Variants in SLC8A1 observed in about 807,000 individuals in gnomAD.
The protein encoded by SLC8A1 is solute carrier family 8 member A1, also known as sodium/calcium exchanger 1.
A neutral mutation model predicts 68.3 loss-of-function variants in SLC8A1; 18 were observed. The observed-to-expected ratio is 0.26, with a 90% CI of 0.18 to 0.39. SLC8A1 has a LOEUF of 0.39. Ranked by LOEUF, SLC8A1 falls within the 10% of genes least tolerant of loss-of-function variation. SLC8A1 has a pLI of 1.00. For missense variants in SLC8A1, 985 were observed against 1,156.7 expected (o/e 0.85, Z 2.15); for synonymous variants, 475 against 415.5 (o/e 1.14, Z -1.74).
intron 2 of SLC8A1, among the ~76,000 whole-genome samples, chr2:40,370,174 C>T (rs553984766): frequency 6.6e-6 from 1 of 152,114 alleles, no homozygotes; most frequent in African/African-American, 2.4e-5. Context: ...CATTTCTGTA[C>T]GCTTGTTGGT....
Position 40,428,483 on chromosome 2 carries a change from C to T in SLC8A1, c.1798G>A (p.Asp600Asn), listed in dbSNP as rs767752254. 6 of 1,589,204 alleles carry T rather than the reference C, an allele frequency of 3.8e-6. No homozygotes were observed. The African/African-American group carries it at 6.8e-5, about 18-fold the overall frequency. The change falls in exon 2 of 8, where the codon GAT becomes AAT. Residue 600 changes from aspartate (D) to asparagine (N), a missense_variant. Asp to Asn is a conservative substitution (Grantham distance 23). Transcript: ENST00000406785. ...TAATATAGAACTTACACAATTTCAT[C>T]ATTCTGGAATTCGAGCTCTCCACAA...
chr2:40,313,668 G>C (rs2074047196), intron 2 of SLC8A1, among the ~76,000 whole-genome samples: 1 of 151,936 alleles, frequency 6.6e-6, no homozygotes, highest in South Asian at 2.1e-4. Context: ...CTCCCAAAAT[G>C]TTGGGATTAC....
intron 1 of SLC8A1, among the ~76,000 whole-genome samples, chr2:40,511,380 C>T (rs1706716197): frequency 6.6e-6 from 1 of 152,108 alleles, no homozygotes; most frequent in Non-Finnish European, 1.5e-5. Flanking sequence ...AGTTCACAGA[C>T]TTTGCTAACA....
intron 7 of SLC8A1, among the ~76,000 whole-genome samples, chr2:40,132,160 G>A (rs1165971891): frequency 6.6e-6 from 1 of 151,956 alleles, no homozygotes; most frequent in Non-Finnish European, 1.5e-5. Context: ...TAAAACGTTT[G>A]TGAGGCATAT....
At chr2:40,264,675 G>T (rs1453195213) in intron 2 of SLC8A1, among the ~76,000 whole-genome samples, 3 of 152,138 alleles carry the variant, frequency 2.0e-5, no homozygotes, top group African/African-American at 7.2e-5. Context: ...ACAGGAAGGG[G>T]AACATCACAC....
intron 2 of SLC8A1, among the ~76,000 whole-genome samples, chr2:40,205,994 T>G (rs1428577): frequency 6.6e-6 from 1 of 151,952 alleles, no homozygotes; most frequent in Non-Finnish European, 1.5e-5. Flanking sequence ...AAAATTCTCA[T>G]TGGGGCATGA....
chr2:40,321,300 A>G (rs2075158600), intron 2 of SLC8A1, among the ~76,000 whole-genome samples: 1 of 152,034 alleles, frequency 6.6e-6, no homozygotes, highest in South Asian at 2.1e-4. Context: ...GGTTTGCACA[A>G]GTAAATTAAG....
At position 40,334,394 on chromosome 2, in the gene SLC8A1, A is replaced by C. The variant is rs138507202; in HGVS notation, c.1808+94079T>G. Among the ~76,000 whole-genome samples, 519 of 152,366 alleles carry C rather than the reference A, an allele frequency of 3.4e-3. 2 individuals are homozygous for C. Among genetic ancestry groups the C allele is most frequent in the Middle Eastern group, 0.017 (5 of 294 alleles). On this transcript the variant is annotated intron_variant, in intron 2 of 7. Coordinates refer to ENST00000406785, the Ensembl canonical transcript of SLC8A1. ...TTTTATATAGACATGACTTAAGTGTAGTTTAAGGCCATATATCTGGACAAT... is the reference window on the plus strand; with the variant it reads ...TTTTATATAGACATGACTTAAGTGTCGTTTAAGGCCATATATCTGGACAAT...
chr2:40,485,771 T>C (rs2149917619), intron 1 of SLC8A1, among the ~76,000 whole-genome samples: 1 of 152,294 alleles, frequency 6.6e-6, no homozygotes, highest in East Asian at 1.9e-4. Context: ...TCACCAATCA[T>C]GGAATTTCTA....
chr2:40,346,095 C>G (rs1053121427), intron 2 of SLC8A1, among the ~76,000 whole-genome samples: 2 of 146,456 alleles, frequency 1.4e-5, no homozygotes, highest in Non-Finnish European at 3.0e-5. Flanking sequence ...AAAGAAAACC[C>G]TCAAGTTTCC....
chr2:40,396,211 T>C (rs1330737621), intron 2 of SLC8A1, among the ~76,000 whole-genome samples: 1 of 152,146 alleles, frequency 6.6e-6, no homozygotes, highest in Non-Finnish European at 1.5e-5. Context: ...TAGTAGCAAA[T>C]ATGCATTCAA....
chr2:40,421,974 G>A (rs1695632060), intron 2 of SLC8A1, among the ~76,000 whole-genome samples: 1 of 152,134 alleles, frequency 6.6e-6, no homozygotes, highest in Non-Finnish European at 1.5e-5. Context: ...CCCTCCCAGG[G>A]CCTTCTGGAC....
chr2:40,183,440 T>G (rs1421867452), intron 2 of SLC8A1, among the ~76,000 whole-genome samples: 1 of 152,200 alleles, frequency 6.6e-6, no homozygotes, highest in Non-Finnish European at 1.5e-5. Context: ...TTTAAAAAGT[T>G]AAATCATTGA....
chr2:40,413,746 A>C (rs1259973390), intron 2 of SLC8A1, among the ~76,000 whole-genome samples: 1 of 152,226 alleles, frequency 6.6e-6, no homozygotes, highest in African/African-American at 2.4e-5. Context: ...GAAGTATAAG[A>C]CATGCCAAGA....
In SLC8A1 at chr2:40,480,844, T is replaced by A. The variant is rs76031148; in HGVS notation, c.-25+31505A>T. On this transcript the variant is annotated intron_variant, in intron 1 of 7. Transcript: ENST00000402441. ...TACAGGCTAATTCTGAGTCACTGCA[T>A]CAGTTGAGACCAGCAGCCACTGACT... is the stretch of plus-strand genomic sequence containing the variant. Among the ~76,000 whole-genome samples the A allele has an allele frequency of 7.4e-4, 113 of 152,332 alleles. 3 individuals carry two copies. The East Asian group carries it at 0.02, about 27-fold the overall frequency.
At chr2:40,419,023 T>A (rs746376236) in intron 2 of SLC8A1, among the ~76,000 whole-genome samples, 9 of 152,164 alleles carry the variant, frequency 5.9e-5, no homozygotes, top group Non-Finnish European at 1.0e-4. Context: ...GCTTTAGGGG[T>A]GACTAAACAT....
intron 2 of SLC8A1, among the ~76,000 whole-genome samples, chr2:40,342,428 T>C (rs566243372): frequency 1.3e-5 from 2 of 152,276 alleles, no homozygotes; most frequent in Non-Finnish European, 2.9e-5. Flanking sequence ...TTTGTTGTTG[T>C]AGAGATAATT....
chr2:40,373,034 GA>G lies in SLC8A1; in HGVS notation c.1808+55438del, dbSNP rs903303835. ...AAATGTACCCAACCAACTTAAGGGG[GA>G]AAAAAAAATTCAAACTATGTCCTAG... On this transcript the variant is annotated intron_variant, in intron 2 of 7. Coordinates refer to ENST00000406785, the Ensembl canonical transcript of SLC8A1. 8.6e-5 allele frequency among the ~76,000 whole-genome samples: 13 copies of G among 151,040 alleles called. No individual in the cohort carries two copies. In the East Asian group the frequency reaches 2.0e-3, roughly 23 times the overall value.
intron 1 of SLC8A1, among the ~76,000 whole-genome samples, chr2:40,494,245 C>A (rs2149928061): frequency 6.6e-6 from 1 of 152,180 alleles, no homozygotes; most frequent in East Asian, 1.9e-4. Context: ...AATCCAATAG[C>A]TTTTAAGAAA....
Sources: gnomAD v4.1 joint callset for allele counts (sites outside exome capture counted in the v4.1 genomes callset) on GRCh38, gnomAD v4.1.1 for gene constraint, MANE v1.5 for transcripts, NCBI Gene and HGNC (gene_info 2026-07-23, HGNC 2026-07-21) for gene names.